KAT6A: variants seen among roughly 807,000 people sequenced by gnomAD.
The protein encoded by KAT6A is histone acetyltransferase KAT6A.
A neutral mutation model predicts 198.4 loss-of-function variants in KAT6A; 9 were observed. That is an observed-to-expected ratio of 0.05 (90% confidence interval 0.03 to 0.08). KAT6A has a LOEUF of 0.08. Among genes scored for constraint, KAT6A ranks in the 10% least tolerant of loss-of-function variants. The probability of loss-of-function intolerance (pLI) is 1.00; values close to 1 mark genes in which losing one functional copy is unlikely to be tolerated. For missense variants in KAT6A, 2,077 were observed against 2,509.9 expected (o/e 0.83, Z 3.69); for synonymous variants, 890 against 883.0 (o/e 1.01, Z -0.14).
chr8:42,045,605 T>C (rs1280651612), intron 2 of KAT6A, among the ~76,000 whole-genome samples: 2 of 151,340 alleles, frequency 1.3e-5, no homozygotes, highest in Admixed American at 6.6e-5. Context: ...ATGAAAGCTA[T>C]GTAAGCAAAT....
intron 2 of KAT6A, among the ~76,000 whole-genome samples, chr8:42,020,379 C>T (rs1279918785): frequency 6.6e-6 from 1 of 152,182 alleles, no homozygotes; most frequent in African/African-American, 2.4e-5. Flanking sequence ...CTAGATGTCA[C>T]GGTATCAGAT....
intron 2 of KAT6A, among the ~76,000 whole-genome samples, chr8:41,995,193 T>C (rs1430363925): frequency 6.6e-6 from 1 of 152,046 alleles, no homozygotes; most frequent in East Asian, 1.9e-4. Flanking sequence ...GAACAATGAG[T>C]TGGGTATGAG....
Position 41,974,630 on chromosome 8 carries a change from A to G in KAT6A, c.1482+74T>C. On this transcript the variant is annotated intron_variant, in intron 8 of 16. Transcript: ENST00000265713. ...GCAAACTGCTGTTACTGCTTAACCC[A>G]CAATGTAATTAATCTGCTGTTTCTC... is the stretch of plus-strand genomic sequence containing the variant. 6.8e-6 allele frequency: 6 copies of G among 887,536 alleles called. No homozygotes were observed. In the Admixed American group the frequency reaches 8.0e-5, roughly 12 times the overall value. 55.0% of individuals were successfully genotyped at this position (887,536 alleles called of 1,614,324 possible). A position where few individuals can be genotyped will look rare whatever the true frequency, so the allele number is the denominator to read the frequency against.
chr8:41,990,935 C>T (rs1348450620), intron 2 of KAT6A, among the ~76,000 whole-genome samples: 2 of 136,576 alleles, frequency 1.5e-5, no homozygotes, highest in East Asian at 4.4e-4. Context: ...GCAGAGGTTG[C>T]AGTGAGCCAA....
chr8:42,006,912 C>T (rs528678542), intron 2 of KAT6A, among the ~76,000 whole-genome samples: 21 of 146,286 alleles, frequency 1.4e-4, no homozygotes, highest in Non-Finnish European at 5.9e-5. Context: ...ACAAGAATCA[C>T]TTGAACCCGG....
intron 8 of KAT6A, 85 bp from the exon 9 acceptor site, chr8:41,955,496 T>C: frequency 1.2e-6 from 1 of 822,418 alleles, no homozygotes; most frequent in Non-Finnish European, 2.0e-6. Context: ...AAATGTTGTC[T>C]TCTCAGGACT....
chr8:41,999,778 C>T (rs1825396290), intron 2 of KAT6A, among the ~76,000 whole-genome samples: 1 of 152,192 alleles, frequency 6.6e-6, no homozygotes, highest in African/African-American at 2.4e-5. Context: ...ATCACCTCAG[C>T]AGCACTTAGA....
At chr8:42,009,786 G>A (rs147634650) in intron 2 of KAT6A, among the ~76,000 whole-genome samples, 39 of 148,662 alleles carry the variant, frequency 2.6e-4, no homozygotes, top group African/African-American at 9.2e-4. Context: ...TGTGGTCCCA[G>A]CTACATAAAA....
At chr8:42,032,741 A>T (rs1193617437) in intron 2 of KAT6A, among the ~76,000 whole-genome samples, 1 of 152,240 alleles carries the variant, frequency 6.6e-6, no homozygotes, top group African/African-American at 2.4e-5. Flanking sequence ...GATGGCATCA[A>T]CAAGAGCAAA....
chr8:42,025,518 G>A (rs1235509938), intron 2 of KAT6A, among the ~76,000 whole-genome samples: 1 of 152,000 alleles, frequency 6.6e-6, no homozygotes, highest in Admixed American at 6.6e-5. Context: ...TTTTGGCTGG[G>A]CATTTTTTTA....
At chr8:41,960,884 AC>A (rs1488153532) in intron 8 of KAT6A, among the ~76,000 whole-genome samples, 1 of 152,052 alleles carries the variant, frequency 6.6e-6, no homozygotes, top group Non-Finnish European at 1.5e-5. Flanking sequence ...TAGACCTTTA[AC>A]TCTCTAGTTT....
chr8:41,950,863 A>G (rs1822634093), intron 9 of KAT6A, among the ~76,000 whole-genome samples: 1 of 152,232 alleles, frequency 6.6e-6, no homozygotes, highest in South Asian at 2.1e-4. Flanking sequence ...TGATAAATAT[A>G]TACAATTTTA....
At chr8:41,942,260 C>A (rs1290574781) in intron 14 of KAT6A, 3 of 223,210 alleles carry the variant, frequency 1.3e-5, no homozygotes, top group African/African-American at 4.5e-5. Flanking sequence ...CACAAGTTTA[C>A]AATAGTTACT....
chr8:42,021,166 T>C (rs993718116), intron 2 of KAT6A, among the ~76,000 whole-genome samples: 3 of 152,234 alleles, frequency 2.0e-5, no homozygotes, highest in Non-Finnish European at 2.9e-5. Context: ...AAATCCATCC[T>C]AATTTAAATA....
At chr8:42,009,894 C>CAAAAAAA (rs538642816) in intron 2 of KAT6A, among the ~76,000 whole-genome samples, 21 of 49,030 alleles carry the variant, frequency 4.3e-4, no homozygotes, top group Non-Finnish European at 5.7e-4. Context: ...AGCCCTGTCT[C>CAAAAAAA]AAAAAAAAAA....
Position 42,014,121 on chromosome 8 carries a change from A to T in KAT6A, c.601-26558T>A, listed in dbSNP as rs562217160. On this transcript the variant is annotated intron_variant, in intron 2 of 16. Transcript: ENST00000265713. The stretch of plus-strand genomic sequence containing the variant: ...TATTTTTCAACCATTTAGAATTGTT[A>T]AAAAAAAAACATTTTTAGCTCATGA... Among the ~76,000 whole-genome samples, 36 of 144,298 alleles carry T rather than the reference A, an allele frequency of 2.5e-4. No homozygotes were observed. In the East Asian group the frequency reaches 3.8e-3, roughly 15 times the overall value. 94.7% of individuals were successfully genotyped at this position (144,298 alleles called of 152,430 possible).
intron 8 of KAT6A, among the ~76,000 whole-genome samples, chr8:41,966,007 A>G (rs1453367669): frequency 6.6e-6 from 1 of 152,222 alleles, no homozygotes; most frequent in Admixed American, 6.5e-5. Flanking sequence ...ATAGTAGTTA[A>G]GAGCCTGGGA....
At chr8:41,951,038 T>A (rs1184650746) in intron 9 of KAT6A, among the ~76,000 whole-genome samples, 1 of 152,032 alleles carries the variant, frequency 6.6e-6, no homozygotes, top group Non-Finnish European at 1.5e-5. Context: ...GCTCTTACAG[T>A]AACCAAATTG....
intron 2 of KAT6A, among the ~76,000 whole-genome samples, chr8:42,032,119 CA>C (rs1467875180): frequency 6.6e-6 from 1 of 152,068 alleles, no homozygotes; most frequent in African/African-American, 2.4e-5. Context: ...TTAGTAGAGA[CA>C]GGGTTTTGCC....
Sources: gnomAD v4.1 joint callset for allele counts (sites outside exome capture counted in the v4.1 genomes callset) on GRCh38, gnomAD v4.1.1 for gene constraint, MANE v1.5 for transcripts, NCBI Gene and HGNC (gene_info 2026-07-23, HGNC 2026-07-21) for gene names.